CENPP: variants seen among roughly 807,000 people sequenced by gnomAD.
The protein encoded by CENPP is centromere protein P.
In CENPP, 24 loss-of-function variants were observed where a neutral mutation model predicts 35.6. That is an observed-to-expected ratio of 0.67 (90% CI 0.49 to 0.95). CENPP has a LOEUF of 0.95. CENPP is among the 40% of genes least tolerant of loss of function. The pLI is 0.00. For missense variants in CENPP, 332 were observed against 345.3 expected, an observed-to-expected ratio of 0.96 and a Z score of 0.31; for synonymous variants, 120 against 125.5, an observed-to-expected ratio of 0.96 and a Z score of 0.29.
chr9:92,363,491 C>A (rs1411463917), intron 4 of CENPP, among the ~76,000 whole-genome samples: 4 of 152,100 alleles, frequency 2.6e-5, no homozygotes, highest in Non-Finnish European at 2.9e-5. Context: ...GGTTTATAGC[C>A]TAGGAGCAAT....
chr9:92,381,247 A>G (rs934437399), intron 5 of CENPP, among the ~76,000 whole-genome samples: 2 of 151,188 alleles, frequency 1.3e-5, no homozygotes, highest in African/African-American at 4.9e-5. Context: ...AATGTCCTCA[A>G]AGTTTCTCCA....
chr9:92,512,261 A>G (rs1167117289), intron 5 of CENPP: 1 of 486,326 alleles, frequency 2.1e-6, no homozygotes, highest in Non-Finnish European at 3.7e-6. Context: ...CAAGGACAGA[A>G]TATATATTAT....
chr9:92,326,094 G>A lies in CENPP; in HGVS notation c.96G>A (p.Lys32=). The part of the protein sequence containing the change: ...CEDPPAPWEE[K]SRVQKSFQAI... ...ACCCACCGGCGCCCTGGGAAGAGAA[G>A]TCCCGAGTCCAGTACGTGACCACCC... is the stretch of plus-strand genomic sequence containing the variant. Residue 32 remains lysine, a synonymous_variant, in exon 1 of 8, where the codon AAG becomes AAA. Transcript: ENST00000375587. The A allele has an allele frequency of 6.4e-7, 1 of 1,550,584 alleles. No individual in the cohort carries two copies. The highest frequency in any genetic ancestry group is 1.2e-5 in the South Asian group (1 of 83,850).
Position 92,415,123 on chromosome 9 carries a change from T to A in CENPP, c.564+35264T>A, listed in dbSNP as rs1206255953. On this transcript the variant is annotated intron_variant, in intron 5 of 7. Transcript: ENST00000375587. ...TATATTAAGTATAGGTTTTGTGAAG[T>A]CGTAAGTGTATACCTATATAGTTTC... is the stretch of plus-strand genomic sequence containing the variant. The A allele has an allele frequency of 8.6e-6, 13 of 1,519,028 alleles. No homozygotes were observed. The East Asian group carries it at 2.9e-4, about 34-fold the overall frequency. The allele number at this position is 1,519,028 out of a possible 1,614,324, so 94.1% of individuals were successfully genotyped here.
chr9:92,459,763 G>A (rs1845027312), intron 5 of CENPP: 1 of 1,613,154 alleles, frequency 6.2e-7, no homozygotes, highest in African/African-American at 1.3e-5. Context: ...TTGTTTCCTA[G>A]GCCCAGCCTA....
intron 5 of CENPP, among the ~76,000 whole-genome samples, chr9:92,440,363 A>AAATG (rs1564321247): frequency 1.3e-5 from 2 of 150,916 alleles, no homozygotes; most frequent in Non-Finnish European, 3.0e-5. Flanking sequence ...ATAAATAAAT[A>AAATG]AATAAATAAA....
chr9:92,333,829 G>C (rs1480867414), intron 2 of CENPP, among the ~76,000 whole-genome samples: 1 of 152,024 alleles, frequency 6.6e-6, no homozygotes, highest in Non-Finnish European at 1.5e-5. Context: ...GTTTTCCATA[G>C]CTATTAGTTG....
At chr9:92,533,899 A>AT (rs534376181) in intron 5 of CENPP, among the ~76,000 whole-genome samples, 6 of 151,606 alleles carry the variant, frequency 4.0e-5, no homozygotes, top group Non-Finnish European at 7.4e-5. Context: ...TTTGTAAGAA[A>AT]TTTTTTTTCT....
intron 4 of CENPP, among the ~76,000 whole-genome samples, chr9:92,361,841 C>T (rs1268677619): frequency 6.6e-6 from 1 of 152,106 alleles, no homozygotes; most frequent in East Asian, 1.9e-4. Flanking sequence ...CAGTGATCAA[C>T]TTCATAAATT....
At chr9:92,485,652 G>A (rs1237250486) in intron 5 of CENPP, among the ~76,000 whole-genome samples, 1 of 152,184 alleles carries the variant, frequency 6.6e-6, no homozygotes, top group African/African-American at 2.4e-5. Flanking sequence ...AAGAACAGGG[G>A]AGGACCTTGG....
In CENPP at chr9:92,379,845, T is replaced by A; in HGVS notation, c.550T>A (p.Phe184Ile). 1 of 1,608,002 alleles carries A rather than the reference T, an allele frequency of 6.2e-7. No homozygotes were observed. Among genetic ancestry groups the A allele is most frequent in the South Asian group, 1.1e-5 (1 of 90,926 alleles). Residue 184 changes from phenylalanine (F) to isoleucine (I), a missense_variant, in exon 5 of 8, where the codon TTT becomes ATT. By Grantham distance (21) the Phe-to-Ile change is conservative. Transcript: ENST00000375587. ...GTGGTTTGAATATCGTAAGCGCACGTTTAAACATCTCAAGGTAAAGTCTGA... is the reference window on the plus strand; with the variant it reads ...GTGGTTTGAATATCGTAAGCGCACGATTAAACATCTCAAGGTAAAGTCTGA... Reference protein sequence around the residue: ...VEWFEYRKRTFKHLKEKYPDA... With the variant: ...VEWFEYRKRTIKHLKEKYPDA...
At chr9:92,381,300 T>C (rs7045125) in intron 5 of CENPP, among the ~76,000 whole-genome samples, 59,667 of 147,816 alleles carry the variant, frequency 0.4, 14,165 homozygotes, top group East Asian at 0.79. Context: ...TTTTTTTTTT[T>C]TGAGACAGGG....
chr9:92,428,281 G>A (rs1844018981), intron 5 of CENPP, among the ~76,000 whole-genome samples: 1 of 152,082 alleles, frequency 6.6e-6, no homozygotes, highest in African/African-American at 2.4e-5. Context: ...CAGAAGTTTG[G>A]GAGTCCTTTA....
At chr9:92,495,385 T>C (rs1270835446) in intron 5 of CENPP, 1 of 982,946 alleles carries the variant, frequency 1.0e-6, no homozygotes, top group Admixed American at 6.1e-5. Context: ...TTTATTTCAA[T>C]TGAACCGAAT....
chr9:92,515,061 T>C, intron 5 of CENPP: 1 of 1,614,186 alleles, frequency 6.2e-7, no homozygotes. Context: ...GAAGTGCTTC[T>C]TTTCTTACTA....
intron 5 of CENPP, among the ~76,000 whole-genome samples, chr9:92,458,734 C>T (rs903568482): frequency 6.6e-6 from 1 of 152,124 alleles, no homozygotes; most frequent in African/African-American, 2.4e-5. Context: ...AGGGATGGGG[C>T]AGCTTGAGAG....
At chr9:92,397,176 A>G (rs1842925013) in intron 5 of CENPP, among the ~76,000 whole-genome samples, 2 of 152,004 alleles carry the variant, frequency 1.3e-5, no homozygotes, top group Non-Finnish European at 2.9e-5. Context: ...GACCCTGTCT[A>G]AAAAAACAAA....
At chr9:92,337,665 T>C in intron 3 of CENPP, 36 bp downstream of exon 3, 1 of 1,256,274 alleles carries the variant, frequency 8.0e-7, no homozygotes, top group Non-Finnish European at 1.2e-6. Context: ...ACAGAGATAC[T>C]TCTGCTATGA....
At chr9:92,334,985 G>A (rs573015833) in intron 2 of CENPP, among the ~76,000 whole-genome samples, 25 of 150,200 alleles carry the variant, frequency 1.7e-4, no homozygotes, top group Non-Finnish European at 1.9e-4. Flanking sequence ...TCAGGAGTTC[G>A]AGACCAGCCT....
Sources: allele counts gnomAD v4.1 joint callset (sites outside exome capture counted in the v4.1 genomes callset), GRCh38; gene constraint gnomAD v4.1.1; transcripts MANE v1.5; gene names NCBI Gene and HGNC (gene_info 2026-07-23, HGNC 2026-07-21).